Variants in SCFD2 observed in about 807,000 individuals in gnomAD.
The protein encoded by SCFD2 is sec1 family domain containing 2.
In SCFD2, 54 loss-of-function variants were observed where a neutral mutation model predicts 58.9. The observed-to-expected ratio is 0.92, with a 90% CI of 0.74 to 1.15. SCFD2 has a LOEUF of 1.15. Among genes scored for constraint, SCFD2 ranks in the 50% most tolerant of loss-of-function variants. SCFD2 has a pLI of 0.00. For missense variants in SCFD2, 805 were observed against 836.6 expected, an observed-to-expected ratio of 0.96 and a Z score of 0.47; for synonymous variants, 321 against 335.9, an observed-to-expected ratio of 0.96 and a Z score of 0.49.
intron 4 of SCFD2, among the ~76,000 whole-genome samples, chr4:53,191,829 C>T (rs1365729952): frequency 6.6e-6 from 1 of 152,184 alleles, no homozygotes; most frequent in Non-Finnish European, 1.5e-5. Flanking sequence ...AAAGGGGCTT[C>T]CTGGATGCAA....
chr4:53,215,651 T>G (rs1454843160), intron 4 of SCFD2, among the ~76,000 whole-genome samples: 1 of 152,146 alleles, frequency 6.6e-6, no homozygotes, highest in East Asian at 1.9e-4. Flanking sequence ...TTCTCCTGCC[T>G]GATTGTCCTA....
intron 2 of SCFD2, among the ~76,000 whole-genome samples, chr4:53,328,870 G>C (rs372064030): frequency 3.9e-5 from 6 of 152,350 alleles, no homozygotes; most frequent in South Asian, 2.1e-4. Context: ...GACAGTGGGC[G>C]CAGGTCAGTG....
At chr4:52,895,848 G>T (rs1280533974) in intron 7 of SCFD2, among the ~76,000 whole-genome samples, 3 of 152,040 alleles carry the variant, frequency 2.0e-5, no homozygotes, top group Admixed American at 2.0e-4. Flanking sequence ...TTAAATGATC[G>T]CCATTCTAAC....
intron 5 of SCFD2, among the ~76,000 whole-genome samples, chr4:53,120,844 GA>G (rs1320985197): frequency 1.3e-5 from 2 of 151,872 alleles, no homozygotes; most frequent in African/African-American, 2.4e-5. Context: ...TTATGGAAAT[GA>G]AAAAAAATTG....
At chr4:53,114,699 A>G (rs562374732) in intron 5 of SCFD2, among the ~76,000 whole-genome samples, 1 of 152,192 alleles carries the variant, frequency 6.6e-6, no homozygotes, top group Non-Finnish European at 1.5e-5. Context: ...GAAGTTCTTC[A>G]GATTGAAGGG....
chr4:53,174,527 T>A (rs775496832), intron 4 of SCFD2, among the ~76,000 whole-genome samples: 2 of 152,090 alleles, frequency 1.3e-5, no homozygotes, highest in African/African-American at 4.8e-5. Flanking sequence ...AATAGTAAAA[T>A]AAATAATATC....
chr4:52,920,212 A>T (rs1719702111), intron 6 of SCFD2, among the ~76,000 whole-genome samples: 1 of 152,210 alleles, frequency 6.6e-6, no homozygotes, highest in African/African-American at 2.4e-5. Context: ...ATGGTCAAAA[A>T]ACATTCTTCT....
chr4:53,227,647 C>G (rs950342419), intron 4 of SCFD2, among the ~76,000 whole-genome samples: 28 of 152,068 alleles, frequency 1.8e-4, no homozygotes, highest in African/African-American at 6.0e-4. Context: ...ACCCTTTATT[C>G]CAATATGATT....
At chr4:53,170,768 C>T (rs1320414182) in intron 4 of SCFD2, among the ~76,000 whole-genome samples, 1 of 151,906 alleles carries the variant, frequency 6.6e-6, no homozygotes, top group Non-Finnish European at 1.5e-5. Context: ...TAAAATTATT[C>T]CTAGGTATTT....
chr4:53,058,824 C>T (rs1454478370), intron 5 of SCFD2, among the ~76,000 whole-genome samples: 5 of 152,036 alleles, frequency 3.3e-5, no homozygotes, highest in Admixed American at 3.3e-4. Context: ...CCCAGGAAAA[C>T]TGACAGTAAA....
chr4:53,118,329 T>G (rs1343559646), intron 5 of SCFD2, among the ~76,000 whole-genome samples: 1 of 152,174 alleles, frequency 6.6e-6, no homozygotes, highest in Admixed American at 6.5e-5. Flanking sequence ...GGTCTCCTGG[T>G]AGTTAAAATT....
intron 7 of SCFD2, among the ~76,000 whole-genome samples, chr4:52,902,285 G>C (rs1352642727): frequency 1.3e-5 from 2 of 152,198 alleles, no homozygotes; most frequent in Non-Finnish European, 1.5e-5. Context: ...CCAAGACTGA[G>C]GAGCTCAACA....
intron 5 of SCFD2, among the ~76,000 whole-genome samples, chr4:52,976,172 T>C (rs946525943): frequency 6.6e-6 from 1 of 151,802 alleles, no homozygotes. Context: ...TTAAAGTATA[T>C]ATAAAAAAAA....
At chr4:53,146,141 G>A (rs1213287840) in intron 4 of SCFD2, among the ~76,000 whole-genome samples, 2 of 152,102 alleles carry the variant, frequency 1.3e-5, no homozygotes, top group Non-Finnish European at 2.9e-5. Context: ...TGGTCACTTA[G>A]GGTTCAAAAT....
chr4:53,099,026 T>G (rs1369728499), intron 5 of SCFD2, among the ~76,000 whole-genome samples: 4 of 152,322 alleles, frequency 2.6e-5, no homozygotes, highest in African/African-American at 9.6e-5. Context: ...GGGAAGTGAA[T>G]CATTGTCTGC....
intron 5 of SCFD2, among the ~76,000 whole-genome samples, chr4:53,069,815 G>T (rs1723767396): frequency 6.6e-6 from 1 of 151,992 alleles, no homozygotes; most frequent in African/African-American, 2.4e-5. Context: ...GTTAGAGATT[G>T]TTTTCTCCCT....
chr4:52,989,207 G>A lies in SCFD2; in HGVS notation c.1562-68337C>T, dbSNP rs78807411. ...TACAAATGGAACAAGAAACTTGGAT[G>A]ATGTCCCTAGTTCTGTGACTAATTT... On this transcript the variant is annotated intron_variant, in intron 5 of 8. Coordinates refer to ENST00000401642, the MANE Select transcript of SCFD2 (RefSeq NM_152540.4). Among the ~76,000 whole-genome samples the A allele has an allele frequency of 8.7e-3, 1,324 of 152,320 alleles. 17 individuals are homozygous for A. The highest frequency in any genetic ancestry group is 0.03 in the African/African-American group (1,247 of 41,578).
chr4:53,190,270 G>C (rs1451453105), intron 4 of SCFD2, among the ~76,000 whole-genome samples: 3 of 152,110 alleles, frequency 2.0e-5, no homozygotes, highest in Non-Finnish European at 2.9e-5. Context: ...ACAGATGTTG[G>C]CGTGTGTGTT....
chr4:53,107,789 AC>A (rs761628148), intron 5 of SCFD2, among the ~76,000 whole-genome samples: 1 of 152,132 alleles, frequency 6.6e-6, no homozygotes, highest in Non-Finnish European at 1.5e-5. Flanking sequence ...AGACTTTAAC[AC>A]CCCACTGTCA....
Sources: gnomAD v4.1 joint callset for allele counts (sites outside exome capture counted in the v4.1 genomes callset) on GRCh38, gnomAD v4.1.1 for gene constraint, MANE v1.5 for transcripts, NCBI Gene and HGNC (gene_info 2026-07-23, HGNC 2026-07-21) for gene names.